Variants in BMPR1B observed in about 807,000 individuals in gnomAD.
The protein encoded by BMPR1B is bone morphogenetic protein receptor type-1B.
In BMPR1B, 12 loss-of-function variants were observed where a neutral mutation model predicts 59.1. The observed-to-expected ratio is 0.20, with a 90% CI of 0.13 to 0.33. The LOEUF (loss-of-function observed/expected upper bound fraction) is 0.33, where lower values mean the gene tolerates loss of function less well. Ranked by LOEUF, BMPR1B falls within the 10% of genes least tolerant of loss-of-function variation. The pLI is 1.00. For missense variants in BMPR1B, 550 were observed against 610.9 expected, an observed-to-expected ratio of 0.90 and a Z score of 1.05; for synonymous variants, 237 against 207.3, an observed-to-expected ratio of 1.14 and a Z score of -1.23.
Position 95,154,819 on chromosome 4 carries a change from G to T in BMPR1B, c.*146G>T. 1 of 1,122,002 alleles carries T rather than the reference G, an allele frequency of 8.9e-7. No individual in the cohort carries two copies. The highest frequency in any genetic ancestry group is 1.4e-5 in the South Asian group (1 of 73,626). The allele number at this position is 1,122,002 out of a possible 1,614,324, so 69.5% of individuals were successfully genotyped here. ...AGTGGGTTCAGACCTCACCTCTCAG[G>T]GAGCGACCTGGGCAAAGACAGAGAA... On this transcript the variant is annotated 3_prime_UTR_variant, in exon 13 of 13. Coordinates refer to ENST00000515059, the MANE Select transcript of BMPR1B (RefSeq NM_001203.3).
chr4:95,153,666 T>C (rs901121646), intron 12 of BMPR1B, among the ~76,000 whole-genome samples: 4 of 152,054 alleles, frequency 2.6e-5, no homozygotes, highest in Admixed American at 2.6e-4. Flanking sequence ...CTGGCCAATA[T>C]AGTGAAAACC....
chr4:94,978,949 T>TACACACACACACACAC (rs10649707), intron 2 of BMPR1B, among the ~76,000 whole-genome samples: 12 of 147,696 alleles, frequency 8.1e-5, no homozygotes, highest in African/African-American at 3.0e-4. Flanking sequence ...CACACATACA[T>TACACACACACACACAC]ACACACACAC....
At chr4:94,799,204 GA>G (rs1723305947) in intron 1 of BMPR1B, among the ~76,000 whole-genome samples, 1 of 149,608 alleles carries the variant, frequency 6.7e-6, no homozygotes, top group Non-Finnish European at 1.5e-5. Context: ...TCTTGATGCA[GA>G]AAAGACCTTA....
intron 2 of BMPR1B, among the ~76,000 whole-genome samples, chr4:94,880,693 C>T (rs1383895964): frequency 7.1e-6 from 1 of 141,138 alleles, no homozygotes; most frequent in Non-Finnish European, 1.5e-5. Context: ...GGCTGGAGTG[C>T]AGTGATGAAA....
At chr4:95,077,238 A>T (rs1728779611) in intron 3 of BMPR1B, among the ~76,000 whole-genome samples, 1 of 152,136 alleles carries the variant, frequency 6.6e-6, no homozygotes, top group South Asian at 2.1e-4. Context: ...GCTGATGGTG[A>T]TGTAGTATTA....
At chr4:94,794,684 T>G (rs975084930) in intron 1 of BMPR1B, among the ~76,000 whole-genome samples, 1 of 151,980 alleles carries the variant, frequency 6.6e-6, no homozygotes, top group Non-Finnish European at 1.5e-5. Context: ...TTGTATCGTC[T>G]TTTATTTCCT....
At chr4:94,834,004 T>C (rs1480276055) in intron 1 of BMPR1B, among the ~76,000 whole-genome samples, 1 of 152,182 alleles carries the variant, frequency 6.6e-6, no homozygotes, top group Non-Finnish European at 1.5e-5. Flanking sequence ...TGATGTTTGG[T>C]TTTGTTGATT....
At chr4:94,890,854 T>C (rs1405483780) in intron 2 of BMPR1B, among the ~76,000 whole-genome samples, 1 of 152,012 alleles carries the variant, frequency 6.6e-6, no homozygotes, top group African/African-American at 2.4e-5. Flanking sequence ...GCTCCATTTC[T>C]GAGTACCATC....
rs573130935 is a variant in BMPR1B at position 95,099,604 on chromosome 4, A to G, written c.-17-4804A>G. Among the ~76,000 whole-genome samples the G allele has an allele frequency of 1.8e-3, 266 of 151,632 alleles. 1 individual carries two copies. The highest frequency in any genetic ancestry group is 6.3e-3 in the African/African-American group (259 of 40,958). ...ACATCTCTCTCTGTTTCACGCGCGC[A>G]CACGCACACACACGCACACACACGT... On this transcript the variant is annotated intron_variant, in intron 3 of 12. Coordinates refer to ENST00000515059, the MANE Select transcript of BMPR1B (RefSeq NM_001203.3).
intron 3 of BMPR1B, among the ~76,000 whole-genome samples, chr4:95,063,546 A>G (rs538902215): frequency 3.3e-5 from 5 of 152,288 alleles, no homozygotes; most frequent in East Asian, 3.9e-4. Context: ...ATTGAAATCA[A>G]CACTGGCGTT....
intron 2 of BMPR1B, among the ~76,000 whole-genome samples, chr4:94,945,154 G>C (rs1285510791): frequency 6.6e-6 from 1 of 152,152 alleles, no homozygotes; most frequent in Non-Finnish European, 1.5e-5. Context: ...CTCTTGCTCA[G>C]TATAACTTCA....
intron 7 of BMPR1B, among the ~76,000 whole-genome samples, chr4:95,124,672 A>G (rs1350575571): frequency 2.0e-5 from 3 of 152,030 alleles, no homozygotes; most frequent in Non-Finnish European, 2.9e-5. Context: ...TATTGGAGCT[A>G]TTTAGAAACA....
Position 95,115,830 on chromosome 4 carries a change from A to G in BMPR1B, c.349+43A>G, listed in dbSNP as rs772610010. ...CCAGCCTGGAAAATCACTAGGTATCATGAAAATAAAAACTAAAAACTAGAA... is the reference window on the plus strand; with the variant it reads ...CCAGCCTGGAAAATCACTAGGTATCGTGAAAATAAAAACTAAAAACTAGAA... On this transcript the variant is annotated intron_variant, in intron 6 of 12. Coordinates refer to ENST00000515059, the MANE Select transcript of BMPR1B (RefSeq NM_001203.3). 4.6e-6 allele frequency: 7 copies of G among 1,528,110 alleles called. No homozygotes were observed. In the African/African-American group the frequency reaches 5.5e-5, roughly 12 times the overall value. The allele number at this position is 1,528,110 out of a possible 1,614,324, so 94.7% of individuals were successfully genotyped here.
intron 1 of BMPR1B, among the ~76,000 whole-genome samples, chr4:94,847,388 A>G (rs1488484160): frequency 2.0e-5 from 3 of 152,220 alleles, no homozygotes; most frequent in African/African-American, 7.2e-5. Context: ...ATTCCTGACA[A>G]AAGTAAAAAC....
Position 94,937,268 on chromosome 4 carries a change from C to CT in BMPR1B, c.-112-58766dup, listed in dbSNP as rs150726947. On this transcript the variant is annotated intron_variant, in intron 2 of 12. Coordinates refer to ENST00000515059, the MANE Select transcript of BMPR1B (RefSeq NM_001203.3). Reference sequence around the variant, plus strand: ...ACGATTCTATTTAAATGACCTGTATCTTTTTTCTGTGATGTTTTCCCTGGC... The same window carrying CT: ...ACGATTCTATTTAAATGACCTGTATCTTTTTTTCTGTGATGTTTTCCCTGGC... Among the ~76,000 whole-genome samples the CT allele has an allele frequency of 5.7e-3, 863 of 152,196 alleles. 3 individuals are homozygous for CT. The highest frequency in any genetic ancestry group is 0.02 in the African/African-American group (826 of 41,518).
chr4:94,988,355 CTT>C (rs993852742), intron 2 of BMPR1B, among the ~76,000 whole-genome samples: 1 of 151,960 alleles, frequency 6.6e-6, no homozygotes, highest in African/African-American at 2.4e-5. Context: ...ACAAAAATAA[CTT>C]GATATTCTGG....
chr4:94,927,646 T>A (rs1420788592), intron 2 of BMPR1B, among the ~76,000 whole-genome samples: 1 of 152,098 alleles, frequency 6.6e-6, no homozygotes, highest in Non-Finnish European at 1.5e-5. Flanking sequence ...CCTGAAATCG[T>A]TGTGCATGAA....
At chr4:94,870,982 G>C (rs899061656) in intron 1 of BMPR1B, among the ~76,000 whole-genome samples, 2 of 151,934 alleles carry the variant, frequency 1.3e-5, no homozygotes, top group Non-Finnish European at 2.9e-5. Context: ...ATCTGTAAAT[G>C]ATGATGATTT....
chr4:94,896,993 C>T (rs748938841), intron 2 of BMPR1B, among the ~76,000 whole-genome samples: 3 of 151,980 alleles, frequency 2.0e-5, no homozygotes, highest in African/African-American at 4.8e-5. Context: ...TTGGCTTGTT[C>T]ATGAATCTGA....
Sources: allele counts gnomAD v4.1 joint callset (sites outside exome capture counted in the v4.1 genomes callset), GRCh38; gene constraint gnomAD v4.1.1; transcripts MANE v1.5; gene names NCBI Gene and HGNC (gene_info 2026-07-23, HGNC 2026-07-21).